The following ATP2B2 variants were observed in gnomAD, a reference collection of about 807,000 sequenced individuals.
The protein encoded by ATP2B2 is plasma membrane calcium-transporting ATPase 2.
In ATP2B2, 15 loss-of-function variants were observed where a neutral mutation model predicts 120.0. The ratio of observed to expected loss-of-function variants is 0.12; its 90% confidence interval spans 0.08 to 0.19. ATP2B2 has a LOEUF of 0.19. ATP2B2 is among the 10% of genes least tolerant of loss of function. ATP2B2 has a pLI of 1.00. For synonymous variants in ATP2B2, 694 were observed against 700.3 expected (o/e 0.99, Z 0.14); for missense variants, 1,045 against 1,719.8 (o/e 0.61, Z 6.94).
At chr3:10,379,712 C>T (rs113683983) in intron 8 of ATP2B2, among the ~76,000 whole-genome samples, 18 of 152,094 alleles carry the variant, frequency 1.2e-4, no homozygotes, top group African/African-American at 4.3e-4. Flanking sequence ...TGTTCAGTTA[C>T]GTCCTTTTCA....
chr3:10,654,792 A>C (rs993308786), intron 1 of ATP2B2, among the ~76,000 whole-genome samples: 1 of 151,884 alleles, frequency 6.6e-6, no homozygotes, highest in South Asian at 2.1e-4. Flanking sequence ...AAAAAAAAAA[A>C]AACGCAGACT....
At chr3:10,698,335 T>C (rs902269143) in intron 1 of ATP2B2, among the ~76,000 whole-genome samples, 3 of 152,170 alleles carry the variant, frequency 2.0e-5, no homozygotes, top group African/African-American at 7.2e-5. Flanking sequence ...TGGTTGACAA[T>C]GGCAGAAAGA....
intron 2 of ATP2B2, among the ~76,000 whole-genome samples, chr3:10,445,817 T>C (rs1225966431): frequency 5.3e-5 from 8 of 152,224 alleles, no homozygotes; most frequent in Admixed American, 5.2e-4. Flanking sequence ...ATGGTCAAAC[T>C]GAGTCCCTGT....
intron 2 of ATP2B2, among the ~76,000 whole-genome samples, chr3:10,601,812 T>C (rs1264207764): frequency 6.6e-6 from 1 of 152,224 alleles, no homozygotes; most frequent in African/African-American, 2.4e-5. Context: ...TGGAGGCCCC[T>C]GGAGTTCAGG....
chr3:10,557,072 T>G (rs1300272813), intron 2 of ATP2B2, among the ~76,000 whole-genome samples: 1 of 152,152 alleles, frequency 6.6e-6, no homozygotes, highest in Admixed American at 6.5e-5. Context: ...TCACTCTGAG[T>G]CCCGAGAAGT....
intron 5 of ATP2B2, among the ~76,000 whole-genome samples, chr3:10,391,554 T>C (rs1205327024): frequency 2.6e-5 from 4 of 152,084 alleles, no homozygotes; most frequent in Admixed American, 6.5e-5. Context: ...AGCTGGCAGC[T>C]CTACACCCAC....
chr3:10,398,646 G>A (rs1399655474), intron 5 of ATP2B2, among the ~76,000 whole-genome samples: 1 of 152,188 alleles, frequency 6.6e-6, no homozygotes. Flanking sequence ...AGGGCCTGCA[G>A]GCCTCAGCTC....
intron 12 of ATP2B2, among the ~76,000 whole-genome samples, chr3:10,366,315 A>G (rs2061055841): frequency 6.6e-6 from 1 of 151,920 alleles, no homozygotes; most frequent in African/African-American, 2.4e-5. Flanking sequence ...AGCACAGCCA[A>G]CCCTCCTCCC....
chr3:10,673,554 C>G (rs181255332), intron 1 of ATP2B2, among the ~76,000 whole-genome samples: 47 of 151,992 alleles, frequency 3.1e-4, no homozygotes, highest in African/African-American at 1.0e-3. Flanking sequence ...AATCCCAGCA[C>G]TTTGGGAGGC....
chr3:10,405,624 G>C (rs530441101), intron 3 of ATP2B2, among the ~76,000 whole-genome samples: 1 of 152,326 alleles, frequency 6.6e-6, no homozygotes, highest in East Asian at 1.9e-4. Flanking sequence ...TCTGGAGACA[G>C]TGGCCATAGG....
chr3:10,413,207 A>C (rs1259366213), intron 2 of ATP2B2, among the ~76,000 whole-genome samples: 2 of 152,134 alleles, frequency 1.3e-5, no homozygotes, highest in African/African-American at 4.8e-5. Context: ...TGGATGTCAG[A>C]GCTCAGTGGT....
At chr3:10,405,955 C>T (rs1575137767) in intron 3 of ATP2B2, among the ~76,000 whole-genome samples, 1 of 152,232 alleles carries the variant, frequency 6.6e-6, no homozygotes, top group Admixed American at 6.5e-5. Context: ...CATGAACATG[C>T]TGTGTGACCT....
At chr3:10,425,047 T>A (rs2063103181) in intron 2 of ATP2B2, among the ~76,000 whole-genome samples, 1 of 152,016 alleles carries the variant, frequency 6.6e-6, no homozygotes, top group Non-Finnish European at 1.5e-5. Flanking sequence ...TCCCAGCACT[T>A]TGGGAGGCTG....
At chr3:10,692,443 T>C (rs990563452) in intron 1 of ATP2B2, among the ~76,000 whole-genome samples, 6 of 152,180 alleles carry the variant, frequency 3.9e-5, no homozygotes, top group Non-Finnish European at 8.8e-5. Context: ...CGACAGGAGA[T>C]GGATGAGGGG....
rs551611892 is a variant in ATP2B2 at position 10,417,940 on chromosome 3, A to G, written c.200-7125T>C. Among the ~76,000 whole-genome samples, 144 of 152,346 alleles carry G rather than the reference A, an allele frequency of 9.5e-4. 1 individual carries two copies. Among genetic ancestry groups the G allele is most frequent in the Non-Finnish European group, 1.7e-3 (113 of 68,030 alleles). On this transcript the variant is annotated intron_variant, in intron 2 of 22. Coordinates refer to ENST00000360273, the MANE Select transcript of ATP2B2 (RefSeq NM_001001331.4). ...GGTCCTCAAGGAAGAGGACACATCT[A>G]TTGTACCCTTTGTCCCCAGTGGCCA...
intron 1 of ATP2B2, among the ~76,000 whole-genome samples, chr3:10,659,645 G>A (rs1232795840): frequency 1.3e-5 from 2 of 152,108 alleles, no homozygotes; most frequent in Non-Finnish European, 2.9e-5. Context: ...CAATAATAAT[G>A]GGAGACTTTA....
Position 10,386,580 on chromosome 3 carries a change from C to T in ATP2B2, c.908-68G>A, listed in dbSNP as rs371361095. 1.7e-4 allele frequency: 260 copies of T among 1,538,886 alleles called. No individual in the cohort carries two copies. In the African/African-American group the frequency reaches 2.3e-3, roughly 14 times the overall value. ...ACAGCCTCATCTGCCCATGCGCACG[C>T]GCACACACACAAACACACATGTGCA... On this transcript the variant is annotated intron_variant, in intron 6 of 22. Coordinates refer to ENST00000360273, the MANE Select transcript of ATP2B2 (RefSeq NM_001001331.4).
intron 2 of ATP2B2, among the ~76,000 whole-genome samples, chr3:10,565,306 G>A (rs1246543199): frequency 6.6e-6 from 1 of 152,138 alleles, no homozygotes; most frequent in Non-Finnish European, 1.5e-5. Context: ...TACATTCTAT[G>A]AAGGAAGCAC....
chr3:10,512,263 G>A (rs1012685051), intron 3 of ATP2B2, among the ~76,000 whole-genome samples: 3 of 152,070 alleles, frequency 2.0e-5, no homozygotes, highest in East Asian at 1.9e-4. Flanking sequence ...GAGGGGTGAC[G>A]ACTGAGAATG....
Sources: allele counts gnomAD v4.1 joint callset (sites outside exome capture counted in the v4.1 genomes callset), GRCh38; gene constraint gnomAD v4.1.1; transcripts MANE v1.5; gene names NCBI Gene and HGNC (gene_info 2026-07-23, HGNC 2026-07-21).